The following BCAS3 variants were observed in gnomAD, a reference collection of about 807,000 sequenced individuals.
BCAS3 encodes the protein BCAS3 microtubule associated cell migration factor.
In BCAS3, 53 loss-of-function variants were observed where a neutral mutation model predicts 116.1. The ratio of observed to expected loss-of-function variants is 0.46; its 90% CI spans 0.37 to 0.57. The LOEUF (loss-of-function observed/expected upper bound fraction) is 0.57. Among genes scored for constraint, BCAS3 ranks in the 20% least tolerant of loss-of-function variants. The probability of loss-of-function intolerance (pLI) is 0.00; values close to 1 mark genes in which losing one functional copy is unlikely to be tolerated. For missense variants in BCAS3, 917 were observed against 1,165.4 expected (o/e 0.79, Z 3.10); for synonymous variants, 391 against 408.2 (o/e 0.96, Z 0.51).
intron 22 of BCAS3, among the ~76,000 whole-genome samples, chr17:61,137,633 G>A (rs1377538697): frequency 6.6e-6 from 1 of 152,222 alleles, no homozygotes; most frequent in Non-Finnish European, 1.5e-5. Context: ...GCTGGGCGTG[G>A]TGGCACACGC....
Position 61,347,306 on chromosome 17 carries a change from T to G in BCAS3, c.2426-21021T>G, listed in dbSNP as rs1421453570. Among the ~76,000 whole-genome samples, 1 of 152,202 alleles carries G rather than the reference T, an allele frequency of 6.6e-6. No individual in the cohort carries two copies. Reference sequence around the variant, plus strand: ...CGTGTTGGCCAGGCTGGTCTCGATATGCTGACCTCAGGTGATCCACCCACC... The same window carrying G: ...CGTGTTGGCCAGGCTGGTCTCGATAGGCTGACCTCAGGTGATCCACCCACC... On this transcript the variant is annotated intron_variant, in intron 22 of 23. Coordinates refer to ENST00000407086, the MANE Select transcript of BCAS3 (RefSeq NM_017679.5). This position sits in a 1 kb window ranked among gnomAD's most constrained non-coding sequence, Gnocchi z 4.3.
rs1231302389 is a variant in BCAS3, at chr17:61,205,695, T to C, written c.2425+121131T>C. On this transcript the variant is annotated intron_variant, in intron 22 of 23. Coordinates refer to ENST00000407086, the MANE Select transcript of BCAS3 (RefSeq NM_017679.5). This position sits in a 1 kb window ranked among gnomAD's most constrained non-coding sequence, Gnocchi z 5.2. ...CTCCTCATCAGAGGATATGCTTCTT[T>C]TATGTTCCTTAGACTCTTGCCCAGC... Among the ~76,000 whole-genome samples, 1 of 152,164 alleles carries C rather than the reference T, an allele frequency of 6.6e-6. No homozygotes were observed. The highest frequency in any genetic ancestry group is 1.5e-5 in the Non-Finnish European group (1 of 68,028).
chr17:60,704,491 T>C (rs763757434), intron 4 of BCAS3, among the ~76,000 whole-genome samples: 6 of 152,254 alleles, frequency 3.9e-5, no homozygotes, highest in Middle Eastern at 3.4e-3. Context: ...ATTGACTCCA[T>C]TGATGCTTGT....
chr17:60,854,056 C>G (rs1351895451), intron 7 of BCAS3, among the ~76,000 whole-genome samples: 2 of 152,094 alleles, frequency 1.3e-5, no homozygotes, highest in Non-Finnish European at 2.9e-5. Flanking sequence ...CCCCCTCCCC[C>G]AACCCCACGA....
intron 22 of BCAS3, among the ~76,000 whole-genome samples, chr17:61,135,400 C>T (rs2076569603): frequency 6.6e-6 from 1 of 152,152 alleles, no homozygotes; most frequent in Non-Finnish European, 1.5e-5. Context: ...CTTTTTATTC[C>T]TTTGAATTAG....
At position 61,366,140 on chromosome 17, in the gene BCAS3, CAAAA is replaced by C. The variant is rs59436810; in HGVS notation, c.2426-2174_2426-2171del. Reference sequence around the variant, plus strand: ...CCTGGGCGACAGAGTGAGACTGTCTCAAAAAAAAAAAAAAAAGTTGAGCCAACAG... The same window carrying C: ...CCTGGGCGACAGAGTGAGACTGTCTCAAAAAAAAAAAAGTTGAGCCAACAG... On this transcript the variant is annotated intron_variant, in intron 22 of 23. Transcript: ENST00000407086. The surrounding 1 kb of genome is among the most constrained non-coding windows in gnomAD (Gnocchi z 4.5). Among the ~76,000 whole-genome samples, 1 of 137,634 alleles carries C rather than the reference CAAAA, an allele frequency of 7.3e-6. No homozygotes were observed. Among genetic ancestry groups the C allele is most frequent in the African/African-American group, 2.7e-5 (1 of 36,920 alleles). The allele number at this position is 137,634 out of a possible 152,430, so 90.3% of individuals were successfully genotyped here.
chr17:61,289,323 A>G (rs1486709562), intron 22 of BCAS3, among the ~76,000 whole-genome samples: 1 of 152,080 alleles, frequency 6.6e-6, no homozygotes, highest in East Asian at 1.9e-4. Context: ...TCTTCACATG[A>G]TCTCAGTTTG....
intron 22 of BCAS3, among the ~76,000 whole-genome samples, chr17:61,292,278 G>A (rs902233442): frequency 1.3e-5 from 2 of 152,108 alleles, no homozygotes; most frequent in African/African-American, 4.8e-5. Context: ...TCTCACAGCA[G>A]CTCTTGTATT....
intron 15 of BCAS3, among the ~76,000 whole-genome samples, chr17:60,996,153 AG>A (rs1161824562): frequency 6.6e-6 from 1 of 152,102 alleles, no homozygotes; most frequent in African/African-American, 2.4e-5. Context: ...CATGAGATGG[AG>A]GGGGGCTCTG....
intron 22 of BCAS3, among the ~76,000 whole-genome samples, chr17:61,100,721 A>C (rs2074271227): frequency 6.6e-6 from 1 of 152,188 alleles, no homozygotes; most frequent in South Asian, 2.1e-4. Flanking sequence ...TGCCTGGAAC[A>C]GTAATTACCT....
intron 6 of BCAS3, among the ~76,000 whole-genome samples, chr17:60,807,303 C>G (rs2048363718): frequency 6.6e-6 from 1 of 151,994 alleles, no homozygotes; most frequent in Non-Finnish European, 1.5e-5. Context: ...ATTTTTGCAA[C>G]TATGTATATC....
intron 6 of BCAS3, among the ~76,000 whole-genome samples, chr17:60,758,736 C>A (rs1324116621): frequency 6.6e-6 from 1 of 152,076 alleles, no homozygotes; most frequent in Non-Finnish European, 1.5e-5. Context: ...AAGTTTTCTA[C>A]TTTTTTGATG....
At chr17:61,268,109 G>T (rs1175019318) in intron 22 of BCAS3, among the ~76,000 whole-genome samples, 1 of 152,024 alleles carries the variant, frequency 6.6e-6, no homozygotes, top group East Asian at 1.9e-4. Context: ...TTTGATCTTG[G>T]GGACTCTGCA....
chr17:60,684,656 T>C (rs976502924), intron 3 of BCAS3, among the ~76,000 whole-genome samples: 9 of 152,146 alleles, frequency 5.9e-5, no homozygotes, highest in Admixed American at 2.6e-4. Flanking sequence ...ACAATTGATT[T>C]GGGATGGTAA....
At position 61,037,792 on chromosome 17, in the gene BCAS3, C is replaced by A; in HGVS notation, c.1763-97C>A. The A allele has an allele frequency of 8.7e-7, 1 of 1,145,484 alleles. No individual in the cohort carries two copies. Among genetic ancestry groups the A allele is most frequent in the Non-Finnish European group, 1.2e-6 (1 of 823,590 alleles). 71.0% of individuals were successfully genotyped at this position (1,145,484 alleles called of 1,614,324 possible). A position where few individuals can be genotyped will look rare whatever the true frequency, so the allele number is the denominator to read the frequency against. ...TGTCTTTTCATTTTCTCTGAGCAGC[C>A]TCAGGAGCAGACTAATAAGATCATT... On this transcript the variant is annotated intron_variant, in intron 17 of 23. Coordinates refer to ENST00000407086, the MANE Select transcript of BCAS3 (RefSeq NM_017679.5). This position sits in a 1 kb window ranked among gnomAD's most constrained non-coding sequence, Gnocchi z 4.7.
At chr17:61,001,145 C>A (rs148090034) in intron 15 of BCAS3, among the ~76,000 whole-genome samples, 42 of 152,230 alleles carry the variant, frequency 2.8e-4, no homozygotes, top group Admixed American at 2.7e-3. Flanking sequence ...CTTTTGGCAT[C>A]TGAATTCTAG....
intron 9 of BCAS3, among the ~76,000 whole-genome samples, chr17:60,881,755 A>T (rs2056180612): frequency 6.6e-6 from 1 of 151,272 alleles, no homozygotes. Context: ...CTATGTCCCT[A>T]CAAAGGACAT....
intron 5 of BCAS3, among the ~76,000 whole-genome samples, chr17:60,746,945 T>TAGAA (rs1321333738): frequency 1.3e-5 from 2 of 152,174 alleles, no homozygotes; most frequent in African/African-American, 2.4e-5. Context: ...AAGATAAAAA[T>TAGAA]TATAGACTTC....
rs1173931360 is a variant in BCAS3 at position 61,139,276 on chromosome 17, AT to A, written c.2425+54721del. On this transcript the variant is annotated intron_variant, in intron 22 of 23. Coordinates refer to ENST00000407086, the MANE Select transcript of BCAS3 (RefSeq NM_017679.5). The surrounding 1 kb of genome is among the most constrained non-coding windows in gnomAD (Gnocchi z 4.7). ...GAGGACTTAAAAAGAAAGTGTGAAGATTTTTTTTTCTTCATTTCCTGATTTG... is the reference window on the plus strand; with the variant it reads ...GAGGACTTAAAAAGAAAGTGTGAAGATTTTTTTTCTTCATTTCCTGATTTG... Among the ~76,000 whole-genome samples, 4 of 151,764 alleles carry A rather than the reference AT, an allele frequency of 2.6e-5. No individual in the cohort carries two copies. Among genetic ancestry groups the A allele is most frequent in the Admixed American group, 2.0e-4 (3 of 15,242 alleles).
Sources: gnomAD v4.1 joint callset for allele counts (sites outside exome capture counted in the v4.1 genomes callset) on GRCh38, gnomAD v4.1.1 for gene constraint, Gnocchi (gnomAD v3.1) non-coding constraint, MANE v1.5 for transcripts, NCBI Gene and HGNC (gene_info 2026-07-23, HGNC 2026-07-21) for gene names.